DLGAP4: variants seen among roughly 807,000 people sequenced by gnomAD.
DLGAP4 encodes disks large-associated protein 4.
A neutral mutation model predicts 86.9 loss-of-function variants in DLGAP4; 18 were observed. The observed-to-expected ratio is 0.21, with a 90% CI of 0.14 to 0.31. The LOEUF (loss-of-function observed/expected upper bound fraction) is 0.31. Among genes scored for constraint, DLGAP4 ranks in the 10% least tolerant of loss-of-function variants. DLGAP4 has a pLI of 1.00. For missense variants in DLGAP4, 1,085 were observed against 1,362.6 expected (o/e 0.80, Z 3.21); for synonymous variants, 548 against 574.3 (o/e 0.95, Z 0.65).
intron 7 of DLGAP4, among the ~76,000 whole-genome samples, chr20:36,468,341 G>T (rs1286393469): frequency 1.3e-5 from 2 of 152,260 alleles, no homozygotes; most frequent in Non-Finnish European, 2.9e-5. Context: ...TCTCCAAGGT[G>T]CCTTGCACAG....
At chr20:36,343,028 A>T (rs140560188) in intron 1 of DLGAP4, among the ~76,000 whole-genome samples, 7 of 152,114 alleles carry the variant, frequency 4.6e-5, no homozygotes, top group African/African-American at 1.4e-4. Context: ...GGGAGGGGAG[A>T]GGGAGAGGAT....
At chr20:36,439,018 G>C (rs1301111329) in intron 4 of DLGAP4, among the ~76,000 whole-genome samples, 1 of 152,178 alleles carries the variant, frequency 6.6e-6, no homozygotes, top group Admixed American at 6.5e-5. Context: ...AGGCATTAAG[G>C]TGGGAGAGGC....
chr20:36,342,446 A>G (rs2065392780), intron 1 of DLGAP4, among the ~76,000 whole-genome samples: 1 of 152,178 alleles, frequency 6.6e-6, no homozygotes, highest in Admixed American at 6.5e-5. Flanking sequence ...TCAGCCCAGT[A>G]GGTTCCCAGC....
At chr20:36,467,063 T>TCTCTCTCC (rs1569509700) in intron 7 of DLGAP4, among the ~76,000 whole-genome samples, 5 of 39,380 alleles carry the variant, frequency 1.3e-4, no homozygotes, top group East Asian at 6.8e-4. Context: ...TCTCTCTCTC[T>TCTCTCTCC]CCCCCCCCCT....
intron 10 of DLGAP4, among the ~76,000 whole-genome samples, chr20:36,519,381 C>T (rs1276653011): frequency 1.3e-5 from 2 of 151,978 alleles, no homozygotes; most frequent in South Asian, 2.1e-4. Context: ...AGCAAATGTT[C>T]CATGTGTGAG....
intron 1 of DLGAP4, among the ~76,000 whole-genome samples, chr20:36,312,641 G>A (rs1042647663): frequency 1.4e-4 from 21 of 152,176 alleles, no homozygotes; most frequent in Admixed American, 5.2e-4. Context: ...CTTATGGAGC[G>A]CCTGCTGTGT....
chr20:36,336,503 T>G (rs1237996126), intron 1 of DLGAP4, among the ~76,000 whole-genome samples: 5 of 152,212 alleles, frequency 3.3e-5, no homozygotes, highest in African/African-American at 1.2e-4. Context: ...GTTTGTTTAA[T>G]CTGCATCTTT....
intron 10 of DLGAP4, among the ~76,000 whole-genome samples, chr20:36,519,031 C>T (rs1018221881): frequency 7.9e-5 from 12 of 151,582 alleles, no homozygotes; most frequent in South Asian, 2.1e-4. Flanking sequence ...GCAGGAGAAT[C>T]GCTTGAACCC....
At chr20:36,331,752 T>C (rs1464077661) in intron 1 of DLGAP4, among the ~76,000 whole-genome samples, 1 of 152,188 alleles carries the variant, frequency 6.6e-6, no homozygotes, top group Non-Finnish European at 1.5e-5. Context: ...AGTAAAATAA[T>C]TGCTGCTAGT....
At chr20:36,353,989 G>A (rs1033902540) in intron 1 of DLGAP4, among the ~76,000 whole-genome samples, 9 of 152,324 alleles carry the variant, frequency 5.9e-5, no homozygotes, top group South Asian at 4.1e-4. Flanking sequence ...TCCCTCGAGC[G>A]CCTGCTGTTT....
chr20:36,357,700 C>T (rs1419700525), intron 1 of DLGAP4, among the ~76,000 whole-genome samples: 2 of 152,124 alleles, frequency 1.3e-5, no homozygotes, highest in Non-Finnish European at 2.9e-5. Flanking sequence ...GAGAATGGTT[C>T]CGAGAAAAGA....
intron 7 of DLGAP4, among the ~76,000 whole-genome samples, chr20:36,479,870 AG>A (rs1373619900): frequency 4.6e-5 from 7 of 152,252 alleles, no homozygotes; most frequent in Admixed American, 1.3e-4. Context: ...TTTCTGCCCC[AG>A]GCCAGAAATC....
At chr20:36,351,388 G>A (rs2030148335) in intron 1 of DLGAP4, among the ~76,000 whole-genome samples, 1 of 152,054 alleles carries the variant, frequency 6.6e-6, no homozygotes, top group Non-Finnish European at 1.5e-5. Flanking sequence ...GGCGGCATTC[G>A]ATTCTCATAG....
intron 10 of DLGAP4, among the ~76,000 whole-genome samples, chr20:36,504,801 T>C (rs769789250): frequency 3.9e-5 from 6 of 152,262 alleles, no homozygotes; most frequent in Non-Finnish European, 7.3e-5. Flanking sequence ...TTATGTCTTC[T>C]TGGAAGAAAT....
chr20:36,356,890 C>T (rs1017950191), intron 1 of DLGAP4, among the ~76,000 whole-genome samples: 2 of 152,184 alleles, frequency 1.3e-5, no homozygotes, highest in African/African-American at 4.8e-5. Context: ...CTCCCTCTAC[C>T]TCATTCCCCA....
Position 36,420,613 on chromosome 20 carries a change from G to A in DLGAP4, c.-72-11033G>A, listed in dbSNP as rs1011418526. Reference sequence around the variant, plus strand: ...AGCACTTTGAGAGGCTAAGGTGGGCGGATCACCTGAGCCCAGGAGTTCAGG... The same window carrying A: ...AGCACTTTGAGAGGCTAAGGTGGGCAGATCACCTGAGCCCAGGAGTTCAGG... On this transcript the variant is annotated intron_variant, in intron 2 of 12. Transcript: ENST00000339266. Among the ~76,000 whole-genome samples the A allele has an allele frequency of 5.3e-5, 8 of 152,108 alleles. 1 individual carries two copies. Among genetic ancestry groups the A allele is most frequent in the Admixed American group, 1.3e-4 (2 of 15,274 alleles).
At chr20:36,457,763 C>G (rs1447534398) in intron 7 of DLGAP4, among the ~76,000 whole-genome samples, 1 of 151,716 alleles carries the variant, frequency 6.6e-6, no homozygotes, top group Non-Finnish European at 1.5e-5. Flanking sequence ...GATCCGCACA[C>G]CTTGGCCTCC....
At chr20:36,475,210 A>G (rs2034855258) in intron 7 of DLGAP4, among the ~76,000 whole-genome samples, 1 of 151,804 alleles carries the variant, frequency 6.6e-6, no homozygotes, top group Admixed American at 6.6e-5. Context: ...ATATGTTTAT[A>G]TGTTTCTTCC....
At chr20:36,330,916 G>A (rs2065261012) in intron 1 of DLGAP4, among the ~76,000 whole-genome samples, 1 of 152,112 alleles carries the variant, frequency 6.6e-6, no homozygotes, top group Admixed American at 6.6e-5. Context: ...AGTGCCTTGT[G>A]GACCGTAAAT....
Sources: gnomAD v4.1 joint callset for allele counts (sites outside exome capture counted in the v4.1 genomes callset) on GRCh38, gnomAD v4.1.1 for gene constraint, MANE v1.5 for transcripts, NCBI Gene and HGNC (gene_info 2026-07-23, HGNC 2026-07-21) for gene names.